Variants in MMRN1 observed in about 807,000 individuals in gnomAD.
MMRN1 encodes the protein multimerin-1.
Under a neutral mutation model 100.7 loss-of-function variants are expected in MMRN1, and 94 were observed. The ratio of observed to expected loss-of-function variants is 0.93; its 90% CI spans 0.79 to 1.11. The LOEUF (loss-of-function observed/expected upper bound fraction) is 1.11. MMRN1 is among the 50% of genes least tolerant of loss of function. The pLI is 0.00. For missense variants in MMRN1, 1,606 were observed against 1,439.1 expected, an observed-to-expected ratio of 1.12 and a Z score of -1.88; for synonymous variants, 575 against 505.0, an observed-to-expected ratio of 1.14 and a Z score of -1.86.
rs202123771 is a variant in MMRN1 at position 89,895,147 on chromosome 4, G to T, written c.176G>T (p.Arg59Leu). ...AGTTTGCAAATACTGCCAACCACTC[G>T]GGTCATGTCGGCGGAGATAGCTACA... ...IQSLQILPTT[R>L]VMSAEIATTP... Residue 59 changes from arginine (R) to leucine (L), a missense_variant, in exon 1 of 8, where the codon CGG (arginine) becomes CTG (leucine). Physicochemically the swap from Arg to Leu is moderately radical, Grantham distance 102. Transcript: ENST00000264790. The T allele has an allele frequency of 3.1e-5, 50 of 1,613,664 alleles. No individual in the cohort carries two copies. In the East Asian group the frequency reaches 1.1e-3, roughly 35 times the overall value.
upstream of MMRN1, among the ~76,000 whole-genome samples, chr4:89,892,117 A>G (rs1721068300): frequency 6.6e-6 from 1 of 151,828 alleles, no homozygotes. Flanking sequence ...TCACCTACAG[A>G]CAACCCATGT....
At chr4:89,931,545 C>T (rs1472611175) in intron 5 of MMRN1, among the ~76,000 whole-genome samples, 14 of 151,908 alleles carry the variant, frequency 9.2e-5, no homozygotes, top group Non-Finnish European at 2.1e-4. Context: ...TTTCATATTG[C>T]TATTAAAAAA....
chr4:89,953,022 T>C lies in MMRN1; in HGVS notation c.3291T>C (p.Tyr1097=). 6.2e-7 allele frequency: 1 copy of C among 1,608,322 alleles called. No homozygotes were observed. The highest frequency in any genetic ancestry group is 8.5e-7 in the Non-Finnish European group (1 of 1,177,390). ...APDFSKGSYR[Y]APMVAFFASH... is the part of the protein sequence containing the mutation. ...ATTTTTCCAAAGGATCTTACAGATA[T>C]GCACCCATGGTGGCATTTTTTGCAT... is the stretch of plus-strand genomic sequence containing the variant. Residue 1097 remains tyrosine, a synonymous_variant, in exon 8 of 8, where the codon TAT becomes TAC. Transcript: ENST00000264790.
chr4:89,938,173 GA>G (rs1359691412), intron 6 of MMRN1, among the ~76,000 whole-genome samples: 13 of 151,512 alleles, frequency 8.6e-5, no homozygotes, highest in African/African-American at 2.9e-4. Flanking sequence ...TAATAGAGTT[GA>G]ATTATCTCTA....
chr4:89,928,880 G>A (rs542798273), intron 5 of MMRN1, among the ~76,000 whole-genome samples: 3 of 152,080 alleles, frequency 2.0e-5, no homozygotes, highest in Non-Finnish European at 4.4e-5. Context: ...ATGGATACAG[G>A]GAATTAGCAT....
intron 1 of MMRN1, among the ~76,000 whole-genome samples, chr4:89,903,902 A>AG (rs2110588828): frequency 6.6e-6 from 1 of 150,816 alleles, no homozygotes; most frequent in Admixed American, 6.6e-5. Context: ...GATTAGAAAA[A>AG]AAAAAAAAAA....
At chr4:89,906,842 G>A (rs1721579790) in intron 1 of MMRN1, among the ~76,000 whole-genome samples, 1 of 151,378 alleles carries the variant, frequency 6.6e-6, no homozygotes, top group African/African-American at 2.4e-5. Flanking sequence ...CTGCTGATCT[G>A]CTTCTTTGTC....
rs187413102 is a variant in MMRN1, at chr4:89,907,078, A to T, written c.624-2198A>T. Among the ~76,000 whole-genome samples, 239 of 151,644 alleles carry T rather than the reference A, an allele frequency of 1.6e-3. 1 individual carries two copies. Among genetic ancestry groups the T allele is most frequent in the South Asian group, 5.0e-3 (24 of 4,818 alleles). On this transcript the variant is annotated intron_variant, in intron 1 of 7. Coordinates refer to ENST00000264790, the MANE Select transcript of MMRN1 (RefSeq NM_007351.3). ...GACAATTTAATTGTGCTTCTGTTGA[A>T]GTGAGTCAGTCTCAGTAATTAGGAT...
Position 89,894,906 on chromosome 4 carries a change from A to C in MMRN1, c.-66A>C. 1 of 1,539,706 alleles carries C rather than the reference A, an allele frequency of 6.5e-7. No homozygotes were observed. The highest frequency in any genetic ancestry group is 8.7e-7 in the Non-Finnish European group (1 of 1,145,620). ...TAGCAGATTCAGTGTGGAAGCAGCTATCAAAAAGGCCATAAGGATTTTGTC... is the reference window on the plus strand; with the variant it reads ...TAGCAGATTCAGTGTGGAAGCAGCTCTCAAAAAGGCCATAAGGATTTTGTC... On this transcript the variant is annotated 5_prime_UTR_variant, in exon 1 of 8. Coordinates refer to ENST00000264790, the MANE Select transcript of MMRN1 (RefSeq NM_007351.3).
intron 1 of MMRN1, among the ~76,000 whole-genome samples, chr4:89,901,213 T>C (rs1321774438): frequency 6.6e-6 from 1 of 151,228 alleles, no homozygotes; most frequent in African/African-American, 2.4e-5. Context: ...CAGTTATTTA[T>C]GTTTTGTGTT....
rs72870750 is a variant in MMRN1, at chr4:89,918,543, C to T, written c.851-4625C>T. On this transcript the variant is annotated intron_variant, in intron 3 of 7. Coordinates refer to ENST00000264790, the MANE Select transcript of MMRN1 (RefSeq NM_007351.3). ...TGCTCTTGCTTTCCATCTCTCTTTC[C>T]ATCTTTCTCTCTCCCTCTCGTCTAC... is the stretch of plus-strand genomic sequence containing the variant. 9.2e-3 allele frequency among the ~76,000 whole-genome samples: 1,391 copies of T among 151,622 alleles called. 28 individuals are homozygous for T. The highest frequency in any genetic ancestry group is 0.032 in the African/African-American group (1,315 of 41,422).
intron 1 of MMRN1, among the ~76,000 whole-genome samples, chr4:89,887,064 G>C (rs575902953): frequency 1.3e-4 from 20 of 152,110 alleles, no homozygotes; most frequent in East Asian, 1.9e-4. Flanking sequence ...ACCTCCATGA[G>C]AGCAAATGTT....
intron 3 of MMRN1, among the ~76,000 whole-genome samples, chr4:89,916,793 C>T (rs10516851): frequency 0.13 from 20,025 of 151,272 alleles, 1,829 homozygotes; most frequent in East Asian, 0.3. Context: ...GATTATCTCC[C>T]GCATATCACT....
Position 89,934,946 on chromosome 4 carries a change from C to T in MMRN1, c.1266C>T (p.Ser422=). The T allele has an allele frequency of 6.2e-7, 1 of 1,613,680 alleles. No individual in the cohort carries two copies. The highest frequency in any genetic ancestry group is 8.5e-7 in the Non-Finnish European group (1 of 1,179,776). ...CAAGTCTATCAGAGGACCTCGAAAG[C>T]ACCAGGCAAATAATTCAAAAAGTTA... The part of the protein sequence containing the change: ...TVSSLSEDLE[S]TRQIIQKVNE... The change falls in exon 6 of 8, where the codon AGC becomes AGT. Residue 422 remains serine (S), a synonymous_variant. Coordinates refer to ENST00000264790, the MANE Select transcript of MMRN1 (RefSeq NM_007351.3).
At chr4:89,880,940 G>A (rs960913374) in intron 1 of MMRN1, among the ~76,000 whole-genome samples, 1 of 152,100 alleles carries the variant, frequency 6.6e-6, no homozygotes. Flanking sequence ...AGGGTTGAGA[G>A]GGAAGAAGTC....
At chr4:89,905,832 A>G (rs1413736733) in intron 1 of MMRN1, among the ~76,000 whole-genome samples, 1 of 151,510 alleles carries the variant, frequency 6.6e-6, no homozygotes, top group Non-Finnish European at 1.5e-5. Context: ...TTGACTTCTA[A>G]TGAACATCCT....
rs1242291920 is a variant in MMRN1, at chr4:89,936,148, T to C, written c.2468T>C (p.Met823Thr). ...CTAAATCAGTCCAACTTCCAAAAGA[T>C]GTATCAAATGTTCAATGAAACCACT... ...EKLNQSNFQKMYQMFNETTSQ... is the reference protein window; with the variant it reads ...EKLNQSNFQKTYQMFNETTSQ... Residue 823 changes from methionine (M) to threonine (T), a missense_variant, in exon 6 of 8, where the codon ATG (methionine) becomes ACG (threonine). Coordinates refer to ENST00000264790, the MANE Select transcript of MMRN1 (RefSeq NM_007351.3). 1.9e-6 allele frequency: 3 copies of C among 1,612,320 alleles called. No homozygotes were observed. Among genetic ancestry groups the C allele is most frequent in the Admixed American group, 1.7e-5 (1 of 59,826 alleles).
At chr4:89,931,434 T>C (rs1316568981) in intron 5 of MMRN1, among the ~76,000 whole-genome samples, 1 of 152,218 alleles carries the variant, frequency 6.6e-6, no homozygotes, top group African/African-American at 2.4e-5. Flanking sequence ...GTAGCTATAA[T>C]TGATGGCAAT....
At chr4:89,880,574 C>T (rs890943298) in intron 1 of MMRN1, among the ~76,000 whole-genome samples, 1 of 152,050 alleles carries the variant, frequency 6.6e-6, no homozygotes. Flanking sequence ...AATAACTTTG[C>T]CTTGAAGATC....
Sources: gnomAD v4.1 joint callset for allele counts (sites outside exome capture counted in the v4.1 genomes callset) on GRCh38, gnomAD v4.1.1 for gene constraint, MANE v1.5 for transcripts, NCBI Gene and HGNC (gene_info 2026-07-23, HGNC 2026-07-21) for gene names.